Variants in GOLGA7 observed in about 807,000 individuals in gnomAD.
GOLGA7 encodes golgin A7, also known as golgin subfamily A member 7.
GOLGA7 carries 10 observed loss-of-function variants against 21.1 expected under a neutral mutation model. The observed-to-expected ratio is 0.47, with a 90% CI of 0.29 to 0.80. GOLGA7 has a LOEUF of 0.80. Ranked by LOEUF, GOLGA7 falls within the 30% of genes least tolerant of loss-of-function variation. The pLI is 0.08. For missense variants in GOLGA7, 114 were observed against 166.8 expected, an observed-to-expected ratio of 0.68 and a Z score of 1.74; for synonymous variants, 64 against 62.6, an observed-to-expected ratio of 1.02 and a Z score of -0.10.
At chr8:41,504,359 A>G (rs1258296388) in intron 2 of GOLGA7, among the ~76,000 whole-genome samples, 1 of 152,114 alleles carries the variant, frequency 6.6e-6, no homozygotes, top group Non-Finnish European at 1.5e-5. Context: ...CCAGTTTCCA[A>G]TTCTGCAGGT....
chr8:41,494,882 G>A (rs1329420272), intron 1 of GOLGA7, among the ~76,000 whole-genome samples: 1 of 152,084 alleles, frequency 6.6e-6, no homozygotes, highest in Non-Finnish European at 1.5e-5. Flanking sequence ...AACTTAAAGA[G>A]TTGTCATAGC....
rs1806407358 is a variant in GOLGA7 at position 41,510,836 on chromosome 8, A to C, written c.*1268A>C. The C allele has an allele frequency of 6.5e-6, 1 of 153,362 alleles. No homozygotes were observed. 9.5% of individuals were successfully genotyped at this position (153,362 alleles called of 1,614,324 possible). A position where few individuals can be genotyped will look rare whatever the true frequency, so the allele number is the denominator to read the frequency against. On this transcript the variant is annotated 3_prime_UTR_variant, in exon 5 of 5. Transcript: ENST00000357743. ...CTTTTATGGGTCTGTTAGTCATTCA[A>C]CAAATCCCATAAGTATGTGTTAATA...
rs772905664 is a variant in GOLGA7, at chr8:41,497,517, G to A, written c.120G>A (p.Arg40=). The change falls in exon 2 of 5, where the codon AGG becomes AGA. Residue 40 remains arginine (R), a synonymous_variant. Transcript: ENST00000357743. ...TATTTTCTTCTCTACAGATTGATAG[G>A]CAGCAGTTTGAAGAAACAGTTCGAA... ...FPAELENRID[R]QQFEETVRTL... 2 of 1,529,276 alleles carry A rather than the reference G, an allele frequency of 1.3e-6. No homozygotes were observed. The highest frequency in any genetic ancestry group is 1.8e-6 in the Non-Finnish European group (2 of 1,116,342). The allele number at this position is 1,529,276 out of a possible 1,614,324, so 94.7% of individuals were successfully genotyped here. A position where few individuals can be genotyped will look rare whatever the true frequency, so the allele number is the denominator to read the frequency against.
chr8:41,502,165 A>G (rs956207884), intron 2 of GOLGA7, among the ~76,000 whole-genome samples: 6 of 152,262 alleles, frequency 3.9e-5, no homozygotes, highest in East Asian at 3.8e-4. Context: ...TGATATACCT[A>G]TACTTTTAAT....
intron 2 of GOLGA7, among the ~76,000 whole-genome samples, chr8:41,501,639 T>C (rs1806152826): frequency 6.6e-6 from 1 of 152,126 alleles, no homozygotes. Context: ...CAAGCGATCC[T>C]CCCGTCTCGG....
intron 2 of GOLGA7, among the ~76,000 whole-genome samples, chr8:41,502,266 G>C (rs923432079): frequency 2.0e-5 from 3 of 152,146 alleles, no homozygotes; most frequent in South Asian, 4.1e-4. Context: ...GAATTTTTGT[G>C]CTATTATTTT....
At chr8:41,503,470 G>A (rs1806199774) in intron 2 of GOLGA7, among the ~76,000 whole-genome samples, 9 of 97,528 alleles carry the variant, frequency 9.2e-5, no homozygotes, top group Admixed American at 1.3e-4. Context: ...TGGTGTTTTG[G>A]ACATGAAGTC....
chr8:41,505,299 C>T (rs1035991741), intron 2 of GOLGA7, among the ~76,000 whole-genome samples: 3 of 152,172 alleles, frequency 2.0e-5, no homozygotes, highest in Non-Finnish European at 4.4e-5. Flanking sequence ...TACATGCAGT[C>T]ATGGAAATGA....
At chr8:41,504,840 G>A (rs1806245038) in intron 2 of GOLGA7, among the ~76,000 whole-genome samples, 1 of 152,106 alleles carries the variant, frequency 6.6e-6, no homozygotes, top group African/African-American at 2.4e-5. Context: ...AATTTGTTAA[G>A]TTTGGTCTGT....
intron 1 of GOLGA7, 129 bp downstream of exon 1, chr8:41,491,094 C>A: frequency 1.5e-6 from 1 of 646,606 alleles, no homozygotes. Context: ...ACAGAAGGGG[C>A]CTTGGCCAAA....
Position 41,497,589 on chromosome 8 carries a change from A to C in GOLGA7, c.192A>C (p.Ser64=), listed in dbSNP as rs898942488. The C allele has an allele frequency of 2.5e-6, 4 of 1,587,620 alleles. No homozygotes were observed. The African/African-American group carries it at 5.4e-5, about 21-fold the overall frequency. ...AAGCAGAGAAGCTCGGCGGCCAGTC[A>C]TATCTCGAAGGTTGTTTGGCTTGTT... ...YAEAEKLGGQ[S]YLEGCLACLT... Residue 64 remains serine, a synonymous_variant, in exon 2 of 5, where the codon TCA becomes TCC. Transcript: ENST00000357743.
intron 1 of GOLGA7, among the ~76,000 whole-genome samples, chr8:41,493,641 A>C (rs1484968031): frequency 6.6e-6 from 1 of 152,170 alleles, no homozygotes. Context: ...TTCCCTTTAA[A>C]AATATGTCTC....
chr8:41,504,765 A>G (rs1806243040), intron 2 of GOLGA7, among the ~76,000 whole-genome samples: 1 of 152,238 alleles, frequency 6.6e-6, no homozygotes, highest in African/African-American at 2.4e-5. Context: ...AATTCTTTAT[A>G]TGAAACAGGT....
In GOLGA7 at chr8:41,490,827, C is replaced by G. The variant is rs758795317; in HGVS notation, c.-28C>G. ...ACTCGCGGTTGGTGTTCCCCCGACC[C>G]CGCAGCGCGGGGTGTCCTGTCCTCG... is the stretch of plus-strand genomic sequence containing the variant. On this transcript the variant is annotated 5_prime_UTR_variant, in exon 1 of 5. Coordinates refer to ENST00000357743, the MANE Select transcript of GOLGA7 (RefSeq NM_001002296.2). The G allele has an allele frequency of 4.6e-5, 64 of 1,387,844 alleles. No homozygotes were observed. The highest frequency in any genetic ancestry group is 6.1e-5 in the Non-Finnish European group (61 of 996,694). 86.0% of individuals were successfully genotyped at this position (1,387,844 alleles called of 1,614,324 possible).
At chr8:41,493,498 T>A (rs192243967) in intron 1 of GOLGA7, among the ~76,000 whole-genome samples, 3 of 152,338 alleles carry the variant, frequency 2.0e-5, no homozygotes, top group Non-Finnish European at 4.4e-5. Flanking sequence ...AATGTAATAC[T>A]TTGATGCTTA....
rs1353372545 is a variant in GOLGA7 at position 41,509,847 on chromosome 8, A to G, written c.*279A>G. 2 of 152,524 alleles carry G rather than the reference A, an allele frequency of 1.3e-5. No homozygotes were observed. The highest frequency in any genetic ancestry group is 2.4e-5 in the African/African-American group (1 of 41,408). 9.4% of individuals were successfully genotyped at this position (152,524 alleles called of 1,614,324 possible). A position where few individuals can be genotyped will look rare whatever the true frequency, so the allele number is the denominator to read the frequency against. On this transcript the variant is annotated 3_prime_UTR_variant, in exon 5 of 5. Coordinates refer to ENST00000357743, the MANE Select transcript of GOLGA7 (RefSeq NM_001002296.2). ...GAAGCACTTCACTTTTTTTTATTCA[A>G]AGCCATTTAATAAAACACAGTTGGT...
intron 1 of GOLGA7, among the ~76,000 whole-genome samples, chr8:41,494,683 A>G (rs1207372882): frequency 2.0e-5 from 3 of 152,194 alleles, no homozygotes; most frequent in Non-Finnish European, 4.4e-5. Context: ...CCTGCGTTTA[A>G]AGGCCGTCTT....
intron 2 of GOLGA7, among the ~76,000 whole-genome samples, chr8:41,498,936 T>C (rs2150441808): frequency 6.6e-6 from 1 of 152,350 alleles, no homozygotes; most frequent in Non-Finnish European, 1.5e-5. Context: ...GAATATATTA[T>C]GACCCATCTG....
chr8:41,502,672 A>C (rs1806177881), intron 2 of GOLGA7: 1 of 152,220 alleles, frequency 6.6e-6, no homozygotes, highest in Non-Finnish European at 1.5e-5. Flanking sequence ...TTCTGAAAAC[A>C]GTAAGATGTG....
Sources: gnomAD v4.1 joint callset for allele counts (sites outside exome capture counted in the v4.1 genomes callset) on GRCh38, gnomAD v4.1.1 for gene constraint, MANE v1.5 for transcripts, NCBI Gene and HGNC (gene_info 2026-07-23, HGNC 2026-07-21) for gene names.